HSD17B11: variants seen among roughly 807,000 people sequenced by gnomAD.
HSD17B11 encodes estradiol 17-beta-dehydrogenase 11.
HSD17B11 carries 22 observed loss-of-function variants against 27.8 expected under a neutral mutation model. The ratio of observed to expected loss-of-function variants is 0.79; its 90% CI spans 0.56 to 1.13. The LOEUF (loss-of-function observed/expected upper bound fraction) is 1.13, where lower values mean the gene tolerates loss of function less well. Ranked by LOEUF, HSD17B11 falls within the 50% of genes most tolerant of loss-of-function variation. The pLI, the probability that HSD17B11 is intolerant of heterozygous loss-of-function variation, is 0.00. For missense variants in HSD17B11, 314 were observed against 351.1 expected, an observed-to-expected ratio of 0.89 and a Z score of 0.84; for synonymous variants, 117 against 132.8, an observed-to-expected ratio of 0.88 and a Z score of 0.82.
chr4:87,386,192 T>C (rs1720312964), intron 1 of HSD17B11, among the ~76,000 whole-genome samples: 1 of 147,582 alleles, frequency 6.8e-6, no homozygotes, highest in Non-Finnish European at 1.5e-5. Flanking sequence ...CCACACCTTC[T>C]GAATTGTGAA....
At chr4:87,380,288 C>T (rs923524363) in intron 2 of HSD17B11, among the ~76,000 whole-genome samples, 3 of 150,306 alleles carry the variant, frequency 2.0e-5, no homozygotes, top group African/African-American at 7.3e-5. Context: ...TCCTGGCTAA[C>T]ATGGTGAAAG....
At position 87,391,127 on chromosome 4, in the gene HSD17B11, T is replaced by G; in HGVS notation, c.-57A>C. The G allele has an allele frequency of 7.5e-7, 1 of 1,327,308 alleles. No homozygotes were observed. 82.2% of individuals were successfully genotyped at this position (1,327,308 alleles called of 1,614,324 possible). ...TTTTTTTTTTTTTACCACTCTAAACTGCTTTTAGAGGGTAGCTCGATCTAA... is the reference window on the plus strand; with the variant it reads ...TTTTTTTTTTTTTACCACTCTAAACGGCTTTTAGAGGGTAGCTCGATCTAA... On this transcript the variant is annotated 5_prime_UTR_variant, in exon 1 of 7. Coordinates refer to ENST00000358290, the MANE Select transcript of HSD17B11 (RefSeq NM_016245.5).
rs188785105 is a variant in HSD17B11, at chr4:87,343,587, G to T, written c.696-2981C>A. On this transcript the variant is annotated intron_variant, in intron 5 of 6. Transcript: ENST00000358290. ...TTTTGAGACAGAGTCTCGCTCTGTC[G>T]CCCAGGCTGGAGTGCAGTGGCACGA... Among the ~76,000 whole-genome samples the T allele has an allele frequency of 3.0e-3, 404 of 136,830 alleles. 3 individuals carry two copies. The highest frequency in any genetic ancestry group is 0.011 in the African/African-American group (394 of 36,134). The allele number at this position is 136,830 out of a possible 152,430, so 89.8% of individuals were successfully genotyped here.
At chr4:87,341,424 G>A (rs928189554) in intron 5 of HSD17B11, among the ~76,000 whole-genome samples, 5 of 152,230 alleles carry the variant, frequency 3.3e-5, no homozygotes, top group Non-Finnish European at 4.4e-5. Flanking sequence ...CGCCAGCCTC[G>A]GCCTCCCAAA....
intron 5 of HSD17B11, among the ~76,000 whole-genome samples, chr4:87,352,905 T>G (rs1735311931): frequency 2.4e-5 from 2 of 81,992 alleles, no homozygotes; most frequent in Admixed American, 1.2e-4. Context: ...CGTCACCCCT[T>G]TCTTTGACTC....
intron 4 of HSD17B11, among the ~76,000 whole-genome samples, chr4:87,369,507 C>T (rs111555222): frequency 0.14 from 20,453 of 151,378 alleles, 1,455 homozygotes; most frequent in Middle Eastern, 0.16. Context: ...AATCATGGCT[C>T]ACTGCTGCCT....
intron 2 of HSD17B11, among the ~76,000 whole-genome samples, chr4:87,376,599 C>A: frequency 6.7e-6 from 1 of 149,858 alleles, no homozygotes; most frequent in African/African-American, 2.5e-5. Context: ...GTGTGTTTTT[C>A]TAATATATAT....
Position 87,380,514 on chromosome 4 carries a change from GA to G in HSD17B11, c.318+1740del, listed in dbSNP as rs1419180471. Among the ~76,000 whole-genome samples the G allele has an allele frequency of 1.8e-4, 26 of 145,588 alleles. No individual in the cohort carries two copies. The South Asian group carries it at 3.6e-3, about 20-fold the overall frequency. Reference sequence around the variant, plus strand: ...GAAAAAAGAAAAGAAAAGAGAAAAAGAAAAAAAGTTCTGATACTAAAATGGC... The same window carrying G: ...GAAAAAAGAAAAGAAAAGAGAAAAAGAAAAAAGTTCTGATACTAAAATGGC... On this transcript the variant is annotated intron_variant, in intron 2 of 6. Coordinates refer to ENST00000358290, the MANE Select transcript of HSD17B11 (RefSeq NM_016245.5).
At chr4:87,355,595 T>C (rs1318920099) in intron 5 of HSD17B11, among the ~76,000 whole-genome samples, 1 of 152,114 alleles carries the variant, frequency 6.6e-6, no homozygotes, top group Admixed American at 6.5e-5. Flanking sequence ...TTGTTTCTTA[T>C]GTATTAATTA....
chr4:87,362,675 C>A (rs1735539519), intron 4 of HSD17B11, among the ~76,000 whole-genome samples: 1 of 152,176 alleles, frequency 6.6e-6, no homozygotes, highest in Non-Finnish European at 1.5e-5. Context: ...CCTTTGTACT[C>A]TTTGCTGATG....
chr4:87,364,817 T>C (rs1288385410), intron 4 of HSD17B11, among the ~76,000 whole-genome samples: 3 of 152,240 alleles, frequency 2.0e-5, no homozygotes, highest in Non-Finnish European at 2.9e-5. Flanking sequence ...TAGAAATGCA[T>C]GCTGTCCCAG....
At chr4:87,382,386 A>C (rs1002520982) in intron 1 of HSD17B11, 24 bp from the exon 2 acceptor site, 6 of 1,439,682 alleles carry the variant, frequency 4.2e-6, no homozygotes, top group Non-Finnish European at 5.9e-6. Context: ...AAAAGAGGGC[A>C]AGGTAATAAT....
At chr4:87,359,385 G>T (rs1735463160) in intron 4 of HSD17B11, among the ~76,000 whole-genome samples, 1 of 152,202 alleles carries the variant, frequency 6.6e-6, no homozygotes, top group Admixed American at 6.5e-5. Context: ...GTTTTTTGGG[G>T]AGTCTTTATC....
At chr4:87,353,931 T>C (rs889995111) in intron 5 of HSD17B11, among the ~76,000 whole-genome samples, 8 of 152,194 alleles carry the variant, frequency 5.3e-5, no homozygotes, top group Non-Finnish European at 1.0e-4. Flanking sequence ...TCCTCACTAC[T>C]TTCATTCCTC....
At chr4:87,357,222 A>G (rs1735404167) in intron 5 of HSD17B11, 57 bp downstream of exon 5, 3 of 1,553,002 alleles carry the variant, frequency 1.9e-6, no homozygotes, top group Non-Finnish European at 2.6e-6. Flanking sequence ...GAAAACCCAC[A>G]GAATGGCTGG....
chr4:87,378,179 T>C (rs1050385159), intron 2 of HSD17B11, among the ~76,000 whole-genome samples: 1 of 152,234 alleles, frequency 6.6e-6, no homozygotes, highest in Admixed American at 6.5e-5. Flanking sequence ...GTTAGTAAAG[T>C]GTCAAGCTAA....
chr4:87,371,271 T>C (rs1735711703), intron 4 of HSD17B11, among the ~76,000 whole-genome samples: 1 of 152,218 alleles, frequency 6.6e-6, no homozygotes, highest in African/African-American at 2.4e-5. Context: ...GATACAACAC[T>C]ATGCAGCCAT....
At chr4:87,355,786 C>T (rs1023579019) in intron 5 of HSD17B11, among the ~76,000 whole-genome samples, 8 of 152,066 alleles carry the variant, frequency 5.3e-5, no homozygotes, top group African/African-American at 1.7e-4. Flanking sequence ...TGCCTGTAAT[C>T]TCAGATACTC....
intron 2 of HSD17B11, among the ~76,000 whole-genome samples, chr4:87,377,626 T>G (rs1480702213): frequency 6.6e-6 from 1 of 152,120 alleles, no homozygotes; most frequent in African/African-American, 2.4e-5. Flanking sequence ...GTACCATAAT[T>G]CCAAGGGGTA....
Sources: gnomAD v4.1 joint callset for allele counts (sites outside exome capture counted in the v4.1 genomes callset) on GRCh38, gnomAD v4.1.1 for gene constraint, MANE v1.5 for transcripts, NCBI Gene and HGNC (gene_info 2026-07-23, HGNC 2026-07-21) for gene names.